The following NPC1 variants were observed in gnomAD, a reference collection of about 807,000 sequenced individuals.
The protein encoded by NPC1 is Niemann-Pick C1 protein.
A neutral mutation model predicts 140.4 loss-of-function variants in NPC1; 85 were observed. That is an observed-to-expected ratio of 0.61 (90% confidence interval 0.51 to 0.72). NPC1 has a LOEUF of 0.72. Among genes scored for constraint, NPC1 ranks in the 30% least tolerant of loss-of-function variants. The probability of loss-of-function intolerance (pLI) is 0.00; values close to 1 mark genes in which losing one functional copy is unlikely to be tolerated. For synonymous variants in NPC1, 656 were observed against 624.8 expected, an observed-to-expected ratio of 1.05 and a Z score of -0.74; for missense variants, 1,504 against 1,623.8, an observed-to-expected ratio of 0.93 and a Z score of 1.27.
rs1555634644 is a variant in NPC1 at position 23,544,946 on chromosome 18, C to CCCCT, written c.1947+13_1947+14insAGGG. 17 of 1,329,702 alleles carry CCCCT rather than the reference C, an allele frequency of 1.3e-5. 1 individual carries two copies. Among genetic ancestry groups the CCCCT allele is most frequent in the South Asian group, 3.6e-5 (3 of 83,328 alleles). The allele number at this position is 1,329,702 out of a possible 1,614,324, so 82.4% of individuals were successfully genotyped here. Reference sequence around the variant, plus strand: ...GTTAACCTCTAGAACATACACCACCCCCCCCCGGCTTACCAGAAGCCTGCG... The same window carrying CCCCT: ...GTTAACCTCTAGAACATACACCACCCCCCTCCCCCCGGCTTACCAGAAGCCTGCG... On this transcript the variant is annotated intron_variant, in intron 12 of 24. Coordinates refer to ENST00000269228, the MANE Select transcript of NPC1 (RefSeq NM_000271.5).
At chr18:23,538,182 G>A (rs892549825) in intron 20 of NPC1, among the ~76,000 whole-genome samples, 1 of 152,120 alleles carries the variant, frequency 6.6e-6, no homozygotes, top group African/African-American at 2.4e-5. Flanking sequence ...CGCCCCAGCT[G>A]CCATCAGTAC....
chr18:23,548,078 A>G lies in NPC1; in HGVS notation c.1685T>C (p.Val562Ala). 1 of 1,611,900 alleles carries G rather than the reference A, an allele frequency of 6.2e-7. No homozygotes were observed. Among genetic ancestry groups the G allele is most frequent in the East Asian group, 2.2e-5 (1 of 44,870 alleles). The change falls in exon 11 of 25, where the codon GTG (valine) becomes GCG (alanine). Residue 562 changes from valine to alanine, a missense_variant. Val to Ala is a moderately conservative substitution (Grantham distance 64). Coordinates refer to ENST00000269228, the MANE Select transcript of NPC1 (RefSeq NM_000271.5). ...GTAATTATTGACAGGGAAGGTAATCACAAGGGCAGTGGCGTTATTGTAGTT... is the reference window on the plus strand; with the variant it reads ...GTAATTATTGACAGGGAAGGTAATCGCAAGGGCAGTGGCGTTATTGTAGTT... ...DQNYNNATAL[V>A]ITFPVNNYYN...
At chr18:23,507,250 A>AT (rs1385493079) in intron 3 of NPC1, among the ~76,000 whole-genome samples, 1 of 152,118 alleles carries the variant, frequency 6.6e-6, no homozygotes, top group Non-Finnish European at 1.5e-5. Context: ...CCTTAGTTTG[A>AT]TTTTTAAATT....
rs55809701 is a variant in NPC1, at chr18:23,544,943, A to ACCTC, written c.1947+16_1947+17insGAGG. ...GCTGTTAACCTCTAGAACATACACC[A>ACCTC]CCCCCCCCCGGCTTACCAGAAGCCT... On this transcript the variant is annotated intron_variant, in intron 12 of 24. Coordinates refer to ENST00000269228, the MANE Select transcript of NPC1 (RefSeq NM_000271.5). The ACCTC allele has an allele frequency of 6.7e-6, 7 of 1,042,306 alleles. No individual in the cohort carries two copies. The highest frequency in any genetic ancestry group is 6.6e-5 in the Admixed American group (3 of 45,632). The allele number at this position is 1,042,306 out of a possible 1,614,324, so 64.6% of individuals were successfully genotyped here.
At chr18:23,580,112 AC>A (rs1188940881) in intron 1 of NPC1, among the ~76,000 whole-genome samples, 1 of 152,214 alleles carries the variant, frequency 6.6e-6, no homozygotes, top group African/African-American at 2.4e-5. Context: ...AATAAATGAA[AC>A]AAAAATACCA....
At chr18:23,543,347 G>GAAA in intron 14 of NPC1, 108 bp downstream of exon 14, 15 of 404,118 alleles carry the variant, frequency 3.7e-5, no homozygotes, top group African/African-American at 5.6e-5. Context: ...AAAAAAAAAA[G>GAAA]AAAAAAAAAA....
At chr18:23,584,807 C>T (rs933277962) in intron 1 of NPC1, among the ~76,000 whole-genome samples, 2 of 152,064 alleles carry the variant, frequency 1.3e-5, no homozygotes, top group African/African-American at 2.4e-5. Context: ...TGCAGTGAGC[C>T]GAGATTGCGC....
At chr18:23,534,710 A>C (rs2058599931) in intron 22 of NPC1, 151 bp from the exon 23 acceptor site, 2 of 704,690 alleles carry the variant, frequency 2.8e-6, no homozygotes, top group Non-Finnish European at 5.1e-6. Flanking sequence ...CCTCCATCAC[A>C]CCAATCTTAC....
At chr18:23,533,683 GTT>G (rs1426247185) in intron 23 of NPC1, 166 bp from the exon 24 acceptor site, 3 of 665,340 alleles carry the variant, frequency 4.5e-6, no homozygotes, top group Non-Finnish European at 7.9e-6. Flanking sequence ...TAATTTTTGT[GTT>G]TTTAGTAGAG....
At chr18:23,543,342 A>G (rs1598952242) in intron 14 of NPC1, 113 bp downstream of exon 14, 3 of 700,358 alleles carry the variant, frequency 4.3e-6, no homozygotes, top group East Asian at 2.7e-5. Context: ...GAAAAAAAAA[A>G]AAAAGAAAAA....
chr18:23,571,060 A>G (rs2059194919), intron 3 of NPC1, among the ~76,000 whole-genome samples: 1 of 152,186 alleles, frequency 6.6e-6, no homozygotes, highest in Non-Finnish European at 1.5e-5. Flanking sequence ...TCAAGTTTGA[A>G]AGGAGCCTGG....
chr18:23,527,324 G>T (rs1308651680), downstream of NPC1, among the ~76,000 whole-genome samples: 1 of 151,786 alleles, frequency 6.6e-6, no homozygotes, highest in Non-Finnish European at 1.5e-5. Context: ...CCTTGAGCCC[G>T]GGAGGACGAG....
intron 20 of NPC1, 93 bp from the exon 21 acceptor site, chr18:23,536,969 C>G: frequency 1.0e-6 from 1 of 990,126 alleles, no homozygotes. Context: ...TCACCTGACC[C>G]TGGACTCAGA....
downstream of NPC1, chr18:23,530,039 T>C: frequency 6.2e-7 from 1 of 1,613,934 alleles, no homozygotes; most frequent in Non-Finnish European, 8.5e-7. Context: ...ATTACCTACA[T>C]GAACTTGTTA....
chr18:23,578,803 T>G (rs2059323039), intron 1 of NPC1, among the ~76,000 whole-genome samples: 1 of 152,226 alleles, frequency 6.6e-6, no homozygotes, highest in African/African-American at 2.4e-5. Flanking sequence ...CTATTGCCAA[T>G]TCCTCTTCAA....
At chr18:23,520,352 C>G, downstream of NPC1, 1 of 1,486,732 alleles carries the variant, frequency 6.7e-7, no homozygotes, top group Non-Finnish European at 9.4e-7. Flanking sequence ...GCTGCCCTTT[C>G]ACCATGTGGC....
chr18:23,524,559 T>A, downstream of NPC1: 1 of 1,476,644 alleles, frequency 6.8e-7, no homozygotes, highest in Non-Finnish European at 9.5e-7. Context: ...CCAGGGACGT[T>A]TTCAAGGTGA....
chr18:23,585,906 T>TA lies in NPC1; in HGVS notation c.57+380dup, dbSNP rs2059412519. On this transcript the variant is annotated intron_variant, in intron 1 of 24. Coordinates refer to ENST00000269228, the MANE Select transcript of NPC1 (RefSeq NM_000271.5). ...ATCCTCAGGTGATGAGAAGAGGAAATAAAGTGGTTAGAGCTCCTAAATTTT... is the reference window on the plus strand; with the variant it reads ...ATCCTCAGGTGATGAGAAGAGGAAATAAAAGTGGTTAGAGCTCCTAAATTTT... Among the ~76,000 whole-genome samples the TA allele has an allele frequency of 2.0e-5, 3 of 152,304 alleles. No homozygotes were observed. In the South Asian group the frequency reaches 6.2e-4, roughly 32 times the overall value.
chr18:23,530,766 G>A (rs192290636), downstream of NPC1, among the ~76,000 whole-genome samples: 123 of 152,246 alleles, frequency 8.1e-4, no homozygotes, highest in African/African-American at 2.9e-3. Flanking sequence ...ATTTGTAGTA[G>A]AGTGAATTCA....
Sources: gnomAD v4.1 joint callset for allele counts (sites outside exome capture counted in the v4.1 genomes callset) on GRCh38, gnomAD v4.1.1 for gene constraint, MANE v1.5 for transcripts, NCBI Gene and HGNC (gene_info 2026-07-23, HGNC 2026-07-21) for gene names.